Variants in PCDHGA2 observed in about 807,000 individuals in gnomAD.
The protein encoded by PCDHGA2 is protocadherin gamma subfamily A, 2.
A neutral mutation model predicts 59.2 loss-of-function variants in PCDHGA2; 40 were observed. The ratio of observed to expected loss-of-function variants is 0.68; its 90% CI spans 0.52 to 0.88. PCDHGA2 has a LOEUF of 0.88. Among genes scored for constraint, PCDHGA2 ranks in the 40% least tolerant of loss-of-function variants. The pLI is 0.00. For missense variants in PCDHGA2, 1,226 were observed against 1,204.0 expected (o/e 1.02, Z -0.27); for synonymous variants, 560 against 526.0 (o/e 1.06, Z -0.89).
At chr5:141,426,029 A>G (rs576464127) in intron 1 of PCDHGA2, among the ~76,000 whole-genome samples, 13 of 152,216 alleles carry the variant, frequency 8.5e-5, no homozygotes, top group Non-Finnish European at 1.9e-4. Flanking sequence ...AAATAGACTC[A>G]GAGCCCTGCT....
intron 1 of PCDHGA2, chr5:141,366,009 C>T (rs750100968): frequency 6.2e-6 from 10 of 1,614,108 alleles, no homozygotes; most frequent in African/African-American, 2.7e-5. Flanking sequence ...GACAATACGC[C>T]TGAGATCCTG....
chr5:141,394,837 T>G lies in PCDHGA2; in HGVS notation c.2424+53442T>G, dbSNP rs993988817. 198 of 1,613,706 alleles carry G rather than the reference T, an allele frequency of 1.2e-4. No homozygotes were observed. The highest frequency in any genetic ancestry group is 1.6e-4 in the Non-Finnish European group (187 of 1,179,960). ...AGCATCCCCGAAGTCCTGACCGAGT[T>G]GGGCAGTCTGAAGCCTTCGGTCGAC... is the stretch of plus-strand genomic sequence containing the variant. On this transcript the variant is annotated intron_variant, in intron 1 of 3. Coordinates refer to ENST00000394576, the MANE Select transcript of PCDHGA2 (RefSeq NM_018915.4).
At position 141,477,596 on chromosome 5, in the gene PCDHGA2, T is replaced by G. The variant is rs1364779381; in HGVS notation, c.2425-17211T>G. ...CGCCCCGCAGAATGCTCGGCTTTCTTTCTTTCTCTTGGAGCAAGGAGCTGA... is the reference window on the plus strand; with the variant it reads ...CGCCCCGCAGAATGCTCGGCTTTCTGTCTTTCTCTTGGAGCAAGGAGCTGA... On this transcript the variant is annotated intron_variant, in intron 1 of 3. Transcript: ENST00000394576. This position sits in a 1 kb window ranked among gnomAD's most constrained non-coding sequence, Gnocchi z 4.9. The G allele has an allele frequency of 6.2e-7, 1 of 1,614,184 alleles. No individual in the cohort carries two copies. The highest frequency in any genetic ancestry group is 1.1e-5 in the South Asian group (1 of 91,086).
intron 1 of PCDHGA2, chr5:141,390,092 G>A (rs1469999630): frequency 1.9e-6 from 3 of 1,613,918 alleles, no homozygotes; most frequent in African/African-American, 2.7e-5. Context: ...CCGAATCCGT[G>A]GTTCCCCCCA....
intron 1 of PCDHGA2, chr5:141,350,664 T>C: frequency 6.2e-7 from 1 of 1,614,016 alleles, no homozygotes; most frequent in South Asian, 1.1e-5. Flanking sequence ...GCAAAAGGCA[T>C]TGACTTAGAA....
At chr5:141,356,611 A>C (rs1425598072) in intron 1 of PCDHGA2, 4 of 1,614,158 alleles carry the variant, frequency 2.5e-6, no homozygotes, top group Non-Finnish European at 3.4e-6. Context: ...AGGAGCCTCC[A>C]TCTTATCTAT....
chr5:141,417,771 C>G, intron 1 of PCDHGA2: 1 of 1,456,488 alleles, frequency 6.9e-7, no homozygotes, highest in Non-Finnish European at 9.1e-7. Flanking sequence ...CGGGACTCCT[C>G]CTGTCCTGGG....
chr5:141,383,749 A>C (rs771648323), intron 1 of PCDHGA2: 12 of 1,614,008 alleles, frequency 7.4e-6, no homozygotes, highest in Non-Finnish European at 1.0e-5. Context: ...TTTTCGGAAA[A>C]TAACTCCTAA....
chr5:141,364,904 C>G (rs748515825), intron 1 of PCDHGA2: 19 of 1,613,876 alleles, frequency 1.2e-5, no homozygotes, highest in Non-Finnish European at 1.7e-6. Flanking sequence ...ACAAAAGTAT[C>G]CGGAGCTGGT....
intron 1 of PCDHGA2, chr5:141,361,524 G>A (rs551885796): frequency 1.7e-5 from 27 of 1,613,938 alleles, no homozygotes; most frequent in Non-Finnish European, 2.3e-5. Context: ...ACGTGGCAGA[G>A]AACAATCCTC....
intron 1 of PCDHGA2, among the ~76,000 whole-genome samples, chr5:141,369,759 G>A (rs6873480): frequency 0.13 from 19,861 of 152,140 alleles, 1,700 homozygotes; most frequent in African/African-American, 0.25. Flanking sequence ...AAGAATACAC[G>A]TGAAGCTGAT....
Position 141,432,295 on chromosome 5 carries a change from G to A in PCDHGA2, c.2425-62512G>A. 6.2e-7 allele frequency: 1 copy of A among 1,614,222 alleles called. No individual in the cohort carries two copies. The highest frequency in any genetic ancestry group is 8.5e-7 in the Non-Finnish European group (1 of 1,180,034). ...ACGTGTCCATCAACTCCGACACTGG[G>A]GTACTGTATGCGCTGAGCTCCTTCG... is the stretch of plus-strand genomic sequence containing the variant. On this transcript the variant is annotated intron_variant, in intron 1 of 3. Coordinates refer to ENST00000394576, the MANE Select transcript of PCDHGA2 (RefSeq NM_018915.4). This position sits in a 1 kb window ranked among gnomAD's most constrained non-coding sequence, Gnocchi z 6.0.
rs753268902 is a variant in PCDHGA2, at chr5:141,340,099, T to A, written c.1128T>A (p.Ser376=). ...IGLFNVHDRD[S]GQNAFTTCSL... ...TTTTTAATGTACATGATAGAGACTC[T>A]GGGCAGAACGCATTCACCACCTGTT... is the stretch of plus-strand genomic sequence containing the variant. The change falls in exon 1 of 4, where the codon TCT becomes TCA. Residue 376 remains serine (S), a synonymous_variant. Coordinates refer to ENST00000394576, the MANE Select transcript of PCDHGA2 (RefSeq NM_018915.4). The A allele has an allele frequency of 5.6e-6, 9 of 1,614,100 alleles. No homozygotes were observed. In the South Asian group the frequency reaches 9.9e-5, roughly 18 times the overall value.
At chr5:141,371,686 C>A (rs377384867) in intron 1 of PCDHGA2, 4 of 1,613,910 alleles carry the variant, frequency 2.5e-6, no homozygotes, top group Non-Finnish European at 3.4e-6. Flanking sequence ...GGCAATCCAC[C>A]GCTCTCCTCC....
chr5:141,390,446 G>A, intron 1 of PCDHGA2: 1 of 862,526 alleles, frequency 1.2e-6, no homozygotes, highest in Non-Finnish European at 1.7e-6. Context: ...CTACAAAGGA[G>A]GAGTAAAGTA....
Position 141,485,011 on chromosome 5 carries a change from C to G in PCDHGA2, c.2425-9796C>G, listed in dbSNP as rs2099605048. 3.2e-6 allele frequency: 2 copies of G among 631,064 alleles called. No homozygotes were observed. The highest frequency in any genetic ancestry group is 5.5e-5 in the East Asian group (2 of 36,662). The allele number at this position is 631,064 out of a possible 1,614,324, so 39.1% of individuals were successfully genotyped here. A position where few individuals can be genotyped will look rare whatever the true frequency, so the allele number is the denominator to read the frequency against. Reference sequence around the variant, plus strand: ...TGGTGAAAGGCAGACAAATCTACCCCGCCACCAGCAAAAACGGCGCGTAAC... The same window carrying G: ...TGGTGAAAGGCAGACAAATCTACCCGGCCACCAGCAAAAACGGCGCGTAAC... On this transcript the variant is annotated intron_variant, in intron 1 of 3. Coordinates refer to ENST00000394576, the MANE Select transcript of PCDHGA2 (RefSeq NM_018915.4). This position sits in a 1 kb window ranked among gnomAD's most constrained non-coding sequence, Gnocchi z 5.7.
At chr5:141,421,184 C>T (rs2096551183) in intron 1 of PCDHGA2, 4 of 1,457,822 alleles carry the variant, frequency 2.7e-6, no homozygotes, top group Non-Finnish European at 3.7e-6. Context: ...CGATTCACAA[C>T]CAACCAGCTC....
rs1334155865 is a variant in PCDHGA2, at chr5:141,340,660, G to A, written c.1689G>A (p.Leu563=). The change falls in exon 1 of 4, where the codon CTG becomes CTA. Residue 563 remains leucine (L), a synonymous_variant. Transcript: ENST00000394576. ...LDQNDNAPEI[L]YPAFPTDGST... ...AGAACGACAACGCGCCCGAGATCCT[G>A]TACCCTGCCTTCCCCACAGACGGTT... 2.5e-6 allele frequency: 4 copies of A among 1,614,104 alleles called. No homozygotes were observed. The highest frequency in any genetic ancestry group is 2.7e-5 in the African/African-American group (2 of 74,938).
chr5:141,477,573 C>T lies in PCDHGA2; in HGVS notation c.2425-17234C>T, dbSNP rs1593790046. The T allele has an allele frequency of 6.2e-7, 1 of 1,614,056 alleles. No individual in the cohort carries two copies. Among genetic ancestry groups the T allele is most frequent in the South Asian group, 1.1e-5 (1 of 91,086 alleles). ...AACCTAAGTGTCTGGGACCCCGACGCCCCGCAGAATGCTCGGCTTTCTTTC... is the reference window on the plus strand; with the variant it reads ...AACCTAAGTGTCTGGGACCCCGACGTCCCGCAGAATGCTCGGCTTTCTTTC... On this transcript the variant is annotated intron_variant, in intron 1 of 3. Coordinates refer to ENST00000394576, the MANE Select transcript of PCDHGA2 (RefSeq NM_018915.4). This position sits in a 1 kb window ranked among gnomAD's most constrained non-coding sequence, Gnocchi z 4.9.
Sources: allele counts gnomAD v4.1 joint callset (sites outside exome capture counted in the v4.1 genomes callset), GRCh38; gene constraint gnomAD v4.1.1; non-coding constraint Gnocchi (gnomAD v3.1); transcripts MANE v1.5; gene names NCBI Gene and HGNC (gene_info 2026-07-23, HGNC 2026-07-21).